The following AKAP6 variants were observed in gnomAD, a reference collection of about 807,000 sequenced individuals.
AKAP6 encodes A-kinase anchor protein 6.
A neutral mutation model predicts 188.5 loss-of-function variants in AKAP6; 58 were observed. The observed-to-expected ratio is 0.31, with a 90% CI of 0.25 to 0.38. The LOEUF (loss-of-function observed/expected upper bound fraction) is 0.38, where lower values mean the gene tolerates loss of function less well. Among genes scored for constraint, AKAP6 ranks in the 10% least tolerant of loss-of-function variants. The pLI is 1.00. For missense variants in AKAP6, 2,710 were observed against 2,740.0 expected, an observed-to-expected ratio of 0.99 and a Z score of 0.24; for synonymous variants, 989 against 998.6, an observed-to-expected ratio of 0.99 and a Z score of 0.18.
chr14:32,508,706 T>C lies in AKAP6; in HGVS notation c.325-26848T>C, dbSNP rs76704910. Among the ~76,000 whole-genome samples the C allele has an allele frequency of 9.6e-3, 1,469 of 152,376 alleles. 30 individuals are homozygous for C. The highest frequency in any genetic ancestry group is 0.033 in the African/African-American group (1,367 of 41,588). On this transcript the variant is annotated intron_variant, in intron 2 of 13. Transcript: ENST00000280979. ...TACATGGGAGACTATTCATATGTTATTGAGTTAGAAAAACACAAATATAGA... is the reference window on the plus strand; with the variant it reads ...TACATGGGAGACTATTCATATGTTACTGAGTTAGAAAAACACAAATATAGA...
chr14:32,548,939 G>A (rs972748919), intron 4 of AKAP6, among the ~76,000 whole-genome samples: 1 of 151,818 alleles, frequency 6.6e-6, no homozygotes, highest in African/African-American at 2.4e-5. Flanking sequence ...ATTCGTTGTC[G>A]AATACTACTC....
At chr14:32,335,550 G>A (rs1326790607) in intron 1 of AKAP6, among the ~76,000 whole-genome samples, 1 of 152,146 alleles carries the variant, frequency 6.6e-6, no homozygotes, top group Non-Finnish European at 1.5e-5. Context: ...GGCATGCAAA[G>A]GAACTCAGTG....
chr14:32,412,858 A>G (rs982320769), intron 1 of AKAP6, among the ~76,000 whole-genome samples: 3 of 152,172 alleles, frequency 2.0e-5, no homozygotes, highest in Non-Finnish European at 4.4e-5. Context: ...AACAAATACA[A>G]ATGCCTTTGG....
chr14:32,600,018 T>C (rs149844640), intron 6 of AKAP6, among the ~76,000 whole-genome samples: 143 of 152,318 alleles, frequency 9.4e-4, no homozygotes, highest in Middle Eastern at 3.4e-3. Context: ...CCAGTATTAA[T>C]ATATTTATAA....
chr14:32,778,005 C>T (rs937280420), intron 12 of AKAP6, among the ~76,000 whole-genome samples: 1 of 152,042 alleles, frequency 6.6e-6, no homozygotes, highest in African/African-American at 2.4e-5. Context: ...TGCCACTGCA[C>T]TCTAGCCTGG....
chr14:32,690,719 T>C (rs558289260), intron 8 of AKAP6, among the ~76,000 whole-genome samples: 1 of 152,300 alleles, frequency 6.6e-6, no homozygotes, highest in Admixed American at 6.5e-5. Context: ...ATGCTTAAAC[T>C]ATAAAACAAA....
chr14:32,472,830 G>A (rs142698088), intron 2 of AKAP6, among the ~76,000 whole-genome samples: 137 of 152,138 alleles, frequency 9.0e-4, no homozygotes, highest in African/African-American at 3.2e-3. Flanking sequence ...ACAACAGCTG[G>A]GTAATTTGAT....
chr14:32,740,507 T>A lies in AKAP6; in HGVS notation c.3372+4625T>A, dbSNP rs1405113728. Among the ~76,000 whole-genome samples the A allele has an allele frequency of 2.6e-5, 4 of 152,098 alleles. 1 individual carries two copies. The highest frequency in any genetic ancestry group is 4.4e-5 in the Non-Finnish European group (3 of 67,962). ...CTTGTATTAGTTTCATAGTTTGAGGTCTTAGATTTAAGTCCTTAATCCATT... is the reference window on the plus strand; with the variant it reads ...CTTGTATTAGTTTCATAGTTTGAGGACTTAGATTTAAGTCCTTAATCCATT... On this transcript the variant is annotated intron_variant, in intron 11 of 13. Transcript: ENST00000280979.
chr14:32,714,740 T>C (rs1019043218), intron 9 of AKAP6, among the ~76,000 whole-genome samples: 2 of 151,962 alleles, frequency 1.3e-5, no homozygotes, highest in African/African-American at 4.8e-5. Flanking sequence ...GGAACAGATA[T>C]ATTCACTTAC....
chr14:32,611,974 A>G (rs1174406081), intron 7 of AKAP6, among the ~76,000 whole-genome samples: 3 of 152,170 alleles, frequency 2.0e-5, no homozygotes, highest in Non-Finnish European at 4.4e-5. Flanking sequence ...AGAATTTAGA[A>G]TGAAGACAAA....
chr14:32,331,754 A>G (rs1886542025), intron 1 of AKAP6, among the ~76,000 whole-genome samples: 1 of 152,034 alleles, frequency 6.6e-6, no homozygotes, highest in African/African-American at 2.4e-5. Flanking sequence ...TTGGTGCCTC[A>G]CTGAAACTTT....
intron 1 of AKAP6, among the ~76,000 whole-genome samples, chr14:32,391,616 C>T (rs147598673): frequency 5.3e-5 from 8 of 152,304 alleles, no homozygotes; most frequent in African/African-American, 1.9e-4. Flanking sequence ...CCATCTCCCT[C>T]GGTGCTGTTG....
rs144199793 is a variant in AKAP6 at position 32,798,311 on chromosome 14, T to A, written c.3589-23091T>A. 8.7e-3 allele frequency among the ~76,000 whole-genome samples: 1,328 copies of A among 152,284 alleles called. 30 individuals carry two copies. Among genetic ancestry groups the A allele is most frequent in the African/African-American group, 0.03 (1,258 of 41,558 alleles). ...ACTGCAGGTGGGAAAGTAAGTTAGTTCACCCACTGTGGAAAGCAGTTTGGA... is the reference window on the plus strand; with the variant it reads ...ACTGCAGGTGGGAAAGTAAGTTAGTACACCCACTGTGGAAAGCAGTTTGGA... On this transcript the variant is annotated intron_variant, in intron 12 of 13. Coordinates refer to ENST00000280979, the MANE Select transcript of AKAP6 (RefSeq NM_004274.5).
intron 7 of AKAP6, among the ~76,000 whole-genome samples, chr14:32,637,306 C>T (rs1477103219): frequency 6.6e-6 from 1 of 151,988 alleles, no homozygotes; most frequent in Non-Finnish European, 1.5e-5. Context: ...GAGTGAATAG[C>T]ATTATATTCT....
Position 32,832,751 on chromosome 14 carries a change from T to G in AKAP6, c.*2946T>G, listed in dbSNP as rs1208973324. 2 of 152,636 alleles carry G rather than the reference T, an allele frequency of 1.3e-5. No individual in the cohort carries two copies. The highest frequency in any genetic ancestry group is 4.8e-5 in the African/African-American group (2 of 41,454). The allele number at this position is 152,636 out of a possible 1,614,324, so 9.5% of individuals were successfully genotyped here. A position where few individuals can be genotyped will look rare whatever the true frequency, so the allele number is the denominator to read the frequency against. On this transcript the variant is annotated 3_prime_UTR_variant, in exon 14 of 14. Transcript: ENST00000280979. ...TGCCTAGTACCCCGCTACCCTGTTC[T>G]GTCTTATGGAGCAGCCCAGATTATC...
At chr14:32,704,759 G>T (rs886979093) in intron 9 of AKAP6, among the ~76,000 whole-genome samples, 2 of 152,102 alleles carry the variant, frequency 1.3e-5, no homozygotes, top group Admixed American at 1.3e-4. Flanking sequence ...ATATAAAAAA[G>T]ATAAATGATA....
chr14:32,451,184 A>C (rs1319155261), intron 2 of AKAP6, among the ~76,000 whole-genome samples: 1 of 152,208 alleles, frequency 6.6e-6, no homozygotes, highest in Non-Finnish European at 1.5e-5. Context: ...ACTGGCTGGT[A>C]TACAAGAAAA....
At chr14:32,345,509 A>T (rs1185029969) in intron 1 of AKAP6, among the ~76,000 whole-genome samples, 1 of 152,222 alleles carries the variant, frequency 6.6e-6, no homozygotes, top group Non-Finnish European at 1.5e-5. Flanking sequence ...ATGTTTGGGC[A>T]TGTCTGCTGA....
At chr14:32,589,524 T>C (rs1490834876) in intron 5 of AKAP6, among the ~76,000 whole-genome samples, 1 of 152,200 alleles carries the variant, frequency 6.6e-6, no homozygotes, top group East Asian at 1.9e-4. Context: ...CCTTTACTCA[T>C]GTAACTCTAA....
Sources: gnomAD v4.1 joint callset for allele counts (sites outside exome capture counted in the v4.1 genomes callset) on GRCh38, gnomAD v4.1.1 for gene constraint, MANE v1.5 for transcripts, NCBI Gene and HGNC (gene_info 2026-07-23, HGNC 2026-07-21) for gene names.